RIMBP2: variants seen among roughly 807,000 people sequenced by gnomAD.
RIMBP2 encodes the protein RIMS-binding protein 2.
RIMBP2 carries 48 observed loss-of-function variants against 118.6 expected under a neutral mutation model. The ratio of observed to expected loss-of-function variants is 0.40; its 90% CI spans 0.32 to 0.51. The LOEUF is 0.51. Among genes scored for constraint, RIMBP2 ranks in the 20% least tolerant of loss-of-function variants. The probability of loss-of-function intolerance (pLI) is 0.41; values close to 1 mark genes in which losing one functional copy is unlikely to be tolerated. For missense variants in RIMBP2, 1,551 were observed against 1,768.3 expected (o/e 0.88, Z 2.20); for synonymous variants, 762 against 742.9 (o/e 1.03, Z -0.42).
In RIMBP2 at chr12:130,442,185, G is replaced by A. The variant is rs1248854283; in HGVS notation, c.1167C>T (p.Thr389=). Residue 389 remains threonine, a synonymous_variant, in exon 11 of 23, where the codon ACC becomes ACT. Coordinates refer to ENST00000690449, the MANE Select transcript of RIMBP2 (RefSeq NM_001393629.1). The surrounding 1 kb of genome is among the most constrained non-coding windows in gnomAD (Gnocchi z 6.9). The stretch of plus-strand genomic sequence containing the variant: ...GCAGCTCATCCGAGCTGCCCCTGCT[G>A]GTGACGCACTGCACGGAGATGCGGT... ...CTYRISVQCV[T]SRGSSDELQC... 6.2e-7 allele frequency: 1 copy of A among 1,614,190 alleles called. No individual in the cohort carries two copies. Among genetic ancestry groups the A allele is most frequent in the East Asian group, 2.2e-5 (1 of 44,856 alleles).
chr12:130,517,521 C>T (rs1032083988), intron 3 of RIMBP2, among the ~76,000 whole-genome samples: 1 of 152,128 alleles, frequency 6.6e-6, no homozygotes, highest in Non-Finnish European at 1.5e-5. Context: ...GGAGTGGCCA[C>T]ACCATTCACT....
intron 19 of RIMBP2, among the ~76,000 whole-genome samples, chr12:130,408,502 C>T (rs993879670): frequency 1.9e-4 from 29 of 152,150 alleles, no homozygotes; most frequent in African/African-American, 6.3e-4. Context: ...TGCCACAGAT[C>T]GGGGCCTGGG....
Position 130,502,026 on chromosome 12 carries a change from T to A in RIMBP2, c.-4+4622A>T, listed in dbSNP as rs544954727. On this transcript the variant is annotated intron_variant, in intron 4 of 22. Coordinates refer to ENST00000690449, the MANE Select transcript of RIMBP2 (RefSeq NM_001393629.1). ...GCCTTGCCCCATTCAAGCCTGGGCC[T>A]TATGAGGTCTTCCATGCCTCTGCCT... Among the ~76,000 whole-genome samples, 38 of 152,354 alleles carry A rather than the reference T, an allele frequency of 2.5e-4. No individual in the cohort carries two copies. The South Asian group carries it at 6.6e-3, about 27-fold the overall frequency.
intron 2 of RIMBP2, among the ~76,000 whole-genome samples, chr12:130,546,097 C>CTTTTTTTTT (rs56407634): frequency 9.7e-6 from 1 of 103,532 alleles, no homozygotes; most frequent in Non-Finnish European, 1.8e-5. Context: ...ATCACTGCTT[C>CTTTTTTTTT]TTTTTTTTTT....
intron 2 of RIMBP2, among the ~76,000 whole-genome samples, chr12:130,596,530 A>T (rs1387133533): frequency 1.3e-5 from 2 of 152,196 alleles, no homozygotes; most frequent in East Asian, 1.9e-4. Context: ...ACCCACTCAC[A>T]ACGTAGGAAA....
chr12:130,713,319 G>A (rs1370055296), intron 1 of RIMBP2, among the ~76,000 whole-genome samples: 4 of 151,782 alleles, frequency 2.6e-5, no homozygotes, highest in Non-Finnish European at 1.5e-5. Context: ...CAAGGGTGGT[G>A]GCACCAGCAT....
intron 17 of RIMBP2, chr12:130,414,765 C>T (rs2076002281): frequency 6.5e-6 from 1 of 154,678 alleles, no homozygotes; most frequent in African/African-American, 2.4e-5. Context: ...GCAACAAATG[C>T]ATCCTTATTA....
chr12:130,652,462 T>C (rs929763285), intron 1 of RIMBP2, among the ~76,000 whole-genome samples: 1 of 152,232 alleles, frequency 6.6e-6, no homozygotes, highest in Non-Finnish European at 1.5e-5. Flanking sequence ...TTTCCCTCTT[T>C]GGTGCCCTCA....
chr12:130,536,037 C>T (rs771723346), intron 2 of RIMBP2, among the ~76,000 whole-genome samples: 3 of 152,082 alleles, frequency 2.0e-5, no homozygotes, highest in Non-Finnish European at 4.4e-5. Context: ...AATCTCTCCG[C>T]CTCGGCTTCC....
At chr12:130,679,428 A>T (rs1225675399) in intron 1 of RIMBP2, among the ~76,000 whole-genome samples, 4 of 152,234 alleles carry the variant, frequency 2.6e-5, no homozygotes, top group Non-Finnish European at 5.9e-5. Flanking sequence ...AGAAACCATT[A>T]GTCTCACAAT....
chr12:130,491,843 T>G (rs1394672459), intron 4 of RIMBP2, among the ~76,000 whole-genome samples: 1 of 152,266 alleles, frequency 6.6e-6, no homozygotes, highest in Admixed American at 6.5e-5. Flanking sequence ...ACGCTCTGCC[T>G]GTGGCAGGAT....
chr12:130,405,998 G>T (rs1565984107), intron 21 of RIMBP2, among the ~76,000 whole-genome samples, 174 bp downstream of exon 21: 2 of 152,298 alleles, frequency 1.3e-5, no homozygotes, highest in African/African-American at 4.8e-5. Flanking sequence ...CAACTTTCTA[G>T]ATTATCTATA....
At chr12:130,567,043 C>T (rs897515052) in intron 2 of RIMBP2, among the ~76,000 whole-genome samples, 2 of 151,932 alleles carry the variant, frequency 1.3e-5, no homozygotes, top group South Asian at 2.1e-4. Context: ...AAAGGCATAG[C>T]GAAGATGAAA....
At chr12:130,485,056 C>A (rs2082362270) in intron 4 of RIMBP2, among the ~76,000 whole-genome samples, 1 of 152,102 alleles carries the variant, frequency 6.6e-6, no homozygotes, top group Non-Finnish European at 1.5e-5. Flanking sequence ...GAGGAGAAAA[C>A]CCTTTCCCAC....
intron 16 of RIMBP2, among the ~76,000 whole-genome samples, chr12:130,423,412 G>A (rs1174464272): frequency 1.3e-5 from 2 of 152,318 alleles, no homozygotes; most frequent in East Asian, 3.9e-4. Flanking sequence ...CCCAAGGCCT[G>A]GCGCCATGTG....
At chr12:130,547,594 G>T (rs1193685015) in intron 2 of RIMBP2, among the ~76,000 whole-genome samples, 1 of 152,184 alleles carries the variant, frequency 6.6e-6, no homozygotes, top group Non-Finnish European at 1.5e-5. Flanking sequence ...TGGCAACAGG[G>T]TACAGAGATT....
intron 2 of RIMBP2, among the ~76,000 whole-genome samples, chr12:130,602,634 A>G (rs1383185999): frequency 6.6e-6 from 1 of 152,170 alleles, no homozygotes; most frequent in African/African-American, 2.4e-5. Context: ...TTGGTAGCAA[A>G]CGTGTACTTT....
intron 2 of RIMBP2, among the ~76,000 whole-genome samples, chr12:130,600,634 C>T (rs2059821588): frequency 6.6e-6 from 1 of 152,188 alleles, no homozygotes; most frequent in South Asian, 2.1e-4. Flanking sequence ...GGAAGGATGT[C>T]AGCCCCAATA....
At position 130,646,625 on chromosome 12, in the gene RIMBP2, GA is replaced by G. The variant is rs546555635; in HGVS notation, c.-351-18170del. On this transcript the variant is annotated intron_variant, in intron 1 of 22. Transcript: ENST00000690449. ...ACAAGAAGAATGACAACCAATCTTA[GA>G]GGTATAGGGAGCTTCAAATTTACCC... Among the ~76,000 whole-genome samples, 13 of 152,338 alleles carry G rather than the reference GA, an allele frequency of 8.5e-5. No homozygotes were observed. In the South Asian group the frequency reaches 1.5e-3, roughly 17 times the overall value.
Sources: allele counts gnomAD v4.1 joint callset (sites outside exome capture counted in the v4.1 genomes callset), GRCh38; gene constraint gnomAD v4.1.1; non-coding constraint Gnocchi (gnomAD v3.1); transcripts MANE v1.5; gene names NCBI Gene and HGNC (gene_info 2026-07-23, HGNC 2026-07-21).